HECW1: variants seen among roughly 807,000 people sequenced by gnomAD.
The protein encoded by HECW1 is E3 ubiquitin-protein ligase HECW1.
Under a neutral mutation model 182.3 loss-of-function variants are expected in HECW1, and 61 were observed. The ratio of observed to expected loss-of-function variants is 0.33; its 90% CI spans 0.27 to 0.41. The LOEUF (loss-of-function observed/expected upper bound fraction) is 0.41, where lower values mean the gene tolerates loss of function less well. HECW1 is among the 10% of genes least tolerant of loss of function. HECW1 has a pLI of 1.00. For synonymous variants in HECW1, 859 were observed against 832.6 expected (o/e 1.03, Z -0.55); for missense variants, 1,739 against 2,108.9 (o/e 0.82, Z 3.44).
chr7:43,508,574 C>A (rs1202807195), intron 23 of HECW1, among the ~76,000 whole-genome samples: 1 of 149,826 alleles, frequency 6.7e-6, no homozygotes, highest in Non-Finnish European at 1.5e-5. Context: ...CCTTTTCAGT[C>A]CACCCACATA....
chr7:43,434,051 A>C (rs929131406), intron 8 of HECW1, among the ~76,000 whole-genome samples: 6 of 152,162 alleles, frequency 3.9e-5, no homozygotes, highest in Non-Finnish European at 7.3e-5. Context: ...TTAAAAAAAA[A>C]CAAAAAACCT....
intron 6 of HECW1, among the ~76,000 whole-genome samples, chr7:43,375,281 T>A (rs2074279966): frequency 6.6e-6 from 1 of 151,802 alleles, no homozygotes; most frequent in Non-Finnish European, 1.5e-5. Context: ...CTTGGTAAGA[T>A]GTCTATTTAA....
intron 5 of HECW1, among the ~76,000 whole-genome samples, chr7:43,355,485 T>G (rs1026849059): frequency 6.6e-6 from 1 of 152,136 alleles, no homozygotes; most frequent in Non-Finnish European, 1.5e-5. Context: ...AATTTGTTCT[T>G]TGTTTCTATT....
chr7:43,319,766 A>C (rs1322213162), intron 4 of HECW1, among the ~76,000 whole-genome samples: 2 of 97,892 alleles, frequency 2.0e-5, no homozygotes, highest in African/African-American at 1.4e-4. Flanking sequence ...CGCCTGGCTA[A>C]TTTTTGTAAT....
intron 2 of HECW1, among the ~76,000 whole-genome samples, chr7:43,182,669 T>G (rs1473198338): frequency 6.6e-6 from 1 of 152,220 alleles, no homozygotes; most frequent in African/African-American, 2.4e-5. Context: ...ATTTTAGGAT[T>G]TTTTTCTATT....
chr7:43,350,562 T>C (rs918003107), intron 5 of HECW1, among the ~76,000 whole-genome samples: 2 of 152,198 alleles, frequency 1.3e-5, no homozygotes, highest in African/African-American at 2.4e-5. Flanking sequence ...CATGTTTTCT[T>C]ACTCTTTTTC....
chr7:43,266,815 G>A (rs1801857438), intron 3 of HECW1, among the ~76,000 whole-genome samples: 1 of 152,090 alleles, frequency 6.6e-6, no homozygotes, highest in Non-Finnish European at 1.5e-5. Flanking sequence ...CTATTTAAAA[G>A]AGACACGCAA....
chr7:43,186,532 G>A (rs1179934819), intron 2 of HECW1, among the ~76,000 whole-genome samples: 9 of 152,072 alleles, frequency 5.9e-5, no homozygotes, highest in Admixed American at 1.3e-4. Flanking sequence ...ACCCAGGCTT[G>A]GTGGAGGGCG....
intron 2 of HECW1, among the ~76,000 whole-genome samples, chr7:43,218,169 T>A (rs988996307): frequency 6.6e-6 from 1 of 152,206 alleles, no homozygotes; most frequent in Non-Finnish European, 1.5e-5. Flanking sequence ...ATTTTTAACT[T>A]AAAAAATCAA....
chr7:43,550,392 C>T, intron 26 of HECW1, 53 bp from the exon 27 acceptor site: 1 of 1,605,468 alleles, frequency 6.2e-7, no homozygotes, highest in Non-Finnish European at 8.5e-7. Context: ...GTGTGCCTCC[C>T]TGAGAGATAA....
chr7:43,493,609 A>G (rs1400566717), intron 19 of HECW1, among the ~76,000 whole-genome samples: 1 of 152,238 alleles, frequency 6.6e-6, no homozygotes, highest in Non-Finnish European at 1.5e-5. Context: ...AACTACTTAC[A>G]TCTTATGCTT....
At chr7:43,490,991 G>T (rs1233010526) in intron 17 of HECW1, among the ~76,000 whole-genome samples, 2 of 152,208 alleles carry the variant, frequency 1.3e-5, no homozygotes, top group African/African-American at 2.4e-5. Flanking sequence ...ATCCTCAAGT[G>T]ATCCACCTGC....
At chr7:43,448,004 G>A (rs575036120) in intron 11 of HECW1, among the ~76,000 whole-genome samples, 6 of 152,032 alleles carry the variant, frequency 3.9e-5, no homozygotes, top group Non-Finnish European at 7.4e-5. Flanking sequence ...GCACGGTGGC[G>A]GGCACCTGTA....
chr7:43,434,147 CA>C (rs2076637072), intron 8 of HECW1, among the ~76,000 whole-genome samples: 1 of 152,026 alleles, frequency 6.6e-6, no homozygotes, highest in South Asian at 2.1e-4. Context: ...ATAGGACAAT[CA>C]TAGATTTTGT....
In HECW1 at chr7:43,508,010, C is replaced by T; in HGVS notation, c.3753-8C>T. 1 of 1,607,722 alleles carries T rather than the reference C, an allele frequency of 6.2e-7. No homozygotes were observed. Among genetic ancestry groups the T allele is most frequent in the Non-Finnish European group, 8.5e-7 (1 of 1,174,276 alleles). On this transcript the variant is annotated splice_region_variant and splice_polypyrimidine_tract_variant and intron_variant, in intron 22 of 29. Coordinates refer to ENST00000395891, the MANE Select transcript of HECW1 (RefSeq NM_015052.5). Reference sequence around the variant, plus strand: ...GGGCCACTGCTCACCACCCCTTCTCCTTCTCAGGCTCATTATTCGCCGGGA... The same window carrying T: ...GGGCCACTGCTCACCACCCCTTCTCTTTCTCAGGCTCATTATTCGCCGGGA...
chr7:43,218,127 T>C (rs74748966), intron 2 of HECW1, among the ~76,000 whole-genome samples: 4,878 of 152,284 alleles, frequency 0.032, 267 homozygotes, highest in African/African-American at 0.11. Context: ...AGAAACAGGA[T>C]TTTGCAGGTG....
chr7:43,542,279 G>A (rs1442935461), intron 26 of HECW1, among the ~76,000 whole-genome samples: 2 of 151,980 alleles, frequency 1.3e-5, no homozygotes, highest in African/African-American at 2.4e-5. Flanking sequence ...CATATAAGTG[G>A]AATTATACAA....
intron 2 of HECW1, among the ~76,000 whole-genome samples, chr7:43,132,802 T>TCCTC (rs1265587313): frequency 3.9e-5 from 6 of 152,130 alleles, no homozygotes; most frequent in African/African-American, 1.2e-4. Context: ...CTTCCTTCCT[T>TCCTC]CCTCCCTTCT....
intron 3 of HECW1, among the ~76,000 whole-genome samples, chr7:43,305,890 A>G (rs1430025358): frequency 6.6e-6 from 1 of 151,830 alleles, no homozygotes; most frequent in Non-Finnish European, 1.5e-5. Flanking sequence ...CCTCCCAAGT[A>G]GCTGGGATTA....
Sources: gnomAD v4.1 joint callset for allele counts (sites outside exome capture counted in the v4.1 genomes callset) on GRCh38, gnomAD v4.1.1 for gene constraint, MANE v1.5 for transcripts, NCBI Gene and HGNC (gene_info 2026-07-23, HGNC 2026-07-21) for gene names.